TNRC6B: variants seen among roughly 807,000 people sequenced by gnomAD.
TNRC6B encodes the protein trinucleotide repeat containing adaptor 6B.
A neutral mutation model predicts 203.6 loss-of-function variants in TNRC6B; 52 were observed. That is an observed-to-expected ratio of 0.26 (90% CI 0.20 to 0.32). The LOEUF (loss-of-function observed/expected upper bound fraction) is 0.32. Ranked by LOEUF, TNRC6B falls within the 10% of genes least tolerant of loss-of-function variation. The pLI, the probability that TNRC6B is intolerant of heterozygous loss-of-function variation, is 1.00. For synonymous variants in TNRC6B, 838 were observed against 845.7 expected, an observed-to-expected ratio of 0.99 and a Z score of 0.16; for missense variants, 1,923 against 2,286.2, an observed-to-expected ratio of 0.84 and a Z score of 3.24.
chr22:40,154,860 A>ACATATATATATATATATAT (rs1373735446), intron 3 of TNRC6B, among the ~76,000 whole-genome samples: 1 of 23,586 alleles, frequency 4.2e-5, no homozygotes, highest in Non-Finnish European at 6.2e-5. Context: ...AAAAAAAAAA[A>ACATATATATATATATATAT]ATATATATAT....
rs1601861332 is a variant in TNRC6B at position 40,177,996 on chromosome 22, G to C, written c.-140G>C. The C allele has an allele frequency of 1.3e-6, 2 of 1,514,328 alleles. No individual in the cohort carries two copies. The highest frequency in any genetic ancestry group is 4.6e-5 in the East Asian group (2 of 43,212). The allele number at this position is 1,514,328 out of a possible 1,614,324, so 93.8% of individuals were successfully genotyped here. ...AGAGTTAGTTCAAGCCAAAATGGCC[G>C]ACAGAGTCTCTGCTGGTTTCTGAAT... On this transcript the variant is annotated 5_prime_UTR_variant, in exon 1 of 23. Coordinates refer to ENST00000454349, the MANE Select transcript of TNRC6B (RefSeq NM_001162501.2).
intron 1 of TNRC6B, among the ~76,000 whole-genome samples, chr22:40,093,722 A>G (rs1385716616): frequency 6.6e-6 from 1 of 152,224 alleles, no homozygotes; most frequent in Non-Finnish European, 1.5e-5. Context: ...CAGTTAGGAC[A>G]GTTGTTAAGA....
chr22:40,186,375 C>A (rs1170054604), intron 1 of TNRC6B, among the ~76,000 whole-genome samples: 1 of 152,008 alleles, frequency 6.6e-6, no homozygotes, highest in African/African-American at 2.4e-5. Flanking sequence ...CATTCGATGG[C>A]GCCAGCACCG....
At chr22:40,193,535 C>G (rs982735745) in intron 1 of TNRC6B, among the ~76,000 whole-genome samples, 2 of 152,148 alleles carry the variant, frequency 1.3e-5, no homozygotes, top group Non-Finnish European at 2.9e-5. Context: ...ATGAGCTCTA[C>G]CTCCATCATC....
intron 1 of TNRC6B, among the ~76,000 whole-genome samples, chr22:40,226,615 A>G (rs1278842757): frequency 5.3e-5 from 8 of 152,176 alleles, no homozygotes; most frequent in South Asian, 2.1e-4. Flanking sequence ...GTCTCCTCCA[A>G]TCTTGTTAAC....
chr22:40,096,406 T>C (rs1729705517), intron 1 of TNRC6B, among the ~76,000 whole-genome samples: 1 of 152,226 alleles, frequency 6.6e-6, no homozygotes, highest in African/African-American at 2.4e-5. Flanking sequence ...CCTGCAGAGA[T>C]AGGATGTTTT....
upstream of TNRC6B, chr22:40,177,858 A>G (rs1253658393): frequency 3.8e-6 from 5 of 1,321,828 alleles, no homozygotes. Context: ...CCCTTTCCTG[A>G]TTGACAAACC....
intron 1 of TNRC6B, among the ~76,000 whole-genome samples, chr22:40,077,765 TTGTG>T (rs10640739): frequency 6.6e-6 from 1 of 151,234 alleles, no homozygotes; most frequent in Non-Finnish European, 1.5e-5. Flanking sequence ...TGGCAGTCTT[TTGTG>T]TGTGTGTGTG....
In TNRC6B at chr22:40,160,953, G is replaced by A. The variant is rs150985244; in HGVS notation, c.113+4771G>A. Among the ~76,000 whole-genome samples the A allele has an allele frequency of 2.5e-3, 382 of 151,982 alleles. 2 individuals are homozygous for A. The highest frequency in any genetic ancestry group is 8.1e-3 in the African/African-American group (334 of 41,464). On this transcript the variant is annotated intron_variant, in intron 4 of 23. Transcript: ENST00000301923. Reference sequence around the variant, plus strand: ...TATTGGCCATTTATTTTTATTTTGTGTATCACCTATTTATATATATTTTCC... The same window carrying A: ...TATTGGCCATTTATTTTTATTTTGTATATCACCTATTTATATATATTTTCC...
At chr22:40,237,583 T>A (rs2069964888) in intron 1 of TNRC6B, among the ~76,000 whole-genome samples, 1 of 152,092 alleles carries the variant, frequency 6.6e-6, no homozygotes, top group Non-Finnish European at 1.5e-5. Flanking sequence ...TGGGTGTGTG[T>A]CTGGGGAGGC....
At chr22:40,071,164 TTCTC>T (rs2067943818) in intron 1 of TNRC6B, among the ~76,000 whole-genome samples, 1 of 152,186 alleles carries the variant, frequency 6.6e-6, no homozygotes, top group Non-Finnish European at 1.5e-5. Context: ...AATCTGTTCT[TTCTC>T]TATAGGCCAG....
chr22:40,310,170 G>T (rs1053213729), intron 16 of TNRC6B, among the ~76,000 whole-genome samples: 1 of 152,190 alleles, frequency 6.6e-6, no homozygotes, highest in Non-Finnish European at 1.5e-5. Context: ...CAGGAAACCA[G>T]TTACAAAGGA....
intron 1 of TNRC6B, among the ~76,000 whole-genome samples, chr22:40,086,848 A>G (rs747218356): frequency 6.6e-6 from 1 of 152,236 alleles, no homozygotes; most frequent in Admixed American, 6.5e-5. Flanking sequence ...TTTGTTCATC[A>G]TGTCCAGTGA....
intron 1 of TNRC6B, chr22:40,106,904 G>A (rs910606143): frequency 6.9e-5 from 68 of 979,760 alleles, no homozygotes; most frequent in Admixed American, 2.9e-4. Flanking sequence ...ACAGTGCTTC[G>A]CTTTTTCATG....
intron 1 of TNRC6B, among the ~76,000 whole-genome samples, chr22:40,052,352 C>T (rs563878995): frequency 1.1e-4 from 17 of 150,768 alleles, no homozygotes; most frequent in Middle Eastern, 3.4e-3. Context: ...CAATAAGAAT[C>T]GGTGTCTGAT....
At position 40,264,872 on chromosome 22, in the gene TNRC6B, C is replaced by T. The variant is rs764281529; in HGVS notation, c.642C>T (p.Asn214=). 16 of 1,613,790 alleles carry T rather than the reference C, an allele frequency of 9.9e-6. No individual in the cohort carries two copies. Among genetic ancestry groups the T allele is most frequent in the Non-Finnish European group, 1.3e-5 (15 of 1,179,888 alleles). ...AAGACACTGAATCTTCTTCCGAAAA[C>T]ACCACCGATAACAACAGTGCCTCGA... ...ASKDTESSSE[N]TTDNNSASNP... Residue 214 remains asparagine, a synonymous_variant, in exon 5 of 23, where the codon AAC becomes AAT. Coordinates refer to ENST00000454349, the MANE Select transcript of TNRC6B (RefSeq NM_001162501.2).
At chr22:40,076,640 C>A (rs1182675097) in intron 1 of TNRC6B, among the ~76,000 whole-genome samples, 1 of 152,176 alleles carries the variant, frequency 6.6e-6, no homozygotes, top group Non-Finnish European at 1.5e-5. Flanking sequence ...TGGCCTCAAG[C>A]AGTCTTCCCA....
Position 40,273,575 on chromosome 22 carries a change from G to T in TNRC6B, c.3116G>T (p.Gly1039Val). The T allele has an allele frequency of 6.3e-7, 1 of 1,582,798 alleles. No individual in the cohort carries two copies. Among genetic ancestry groups the T allele is most frequent in the Non-Finnish European group, 8.6e-7 (1 of 1,164,340 alleles). Residue 1039 changes from glycine to valine, a missense_variant, in exon 7 of 23, where the codon GGA becomes GTA. Transcript: ENST00000454349. ...TCCTCCCACAACTCAGCAAGCTGGG[G>T]ACAAGGAGGAAAGAAACAAATGAAG... is the stretch of plus-strand genomic sequence containing the variant. ...SASSHNSASWGQGGKKQMKCS... is the reference protein window; with the variant it reads ...SASSHNSASWVQGGKKQMKCS...
At chr22:40,175,908 T>C (rs989251700), upstream of TNRC6B, among the ~76,000 whole-genome samples, 9 of 152,194 alleles carry the variant, frequency 5.9e-5, no homozygotes, top group Non-Finnish European at 1.5e-5. Context: ...CGGGAGACTG[T>C]ATAAAGACCC....
Sources: gnomAD v4.1 joint callset for allele counts (sites outside exome capture counted in the v4.1 genomes callset) on GRCh38, gnomAD v4.1.1 for gene constraint, MANE v1.5 for transcripts, NCBI Gene and HGNC (gene_info 2026-07-23, HGNC 2026-07-21) for gene names.